Variants in NDUFB6 observed in about 807,000 individuals in gnomAD.
NDUFB6 encodes NADH dehydrogenase [ubiquinone] 1 beta subcomplex subunit 6.
In NDUFB6, 23 loss-of-function variants were observed where a neutral mutation model predicts 17.5. That is an observed-to-expected ratio of 1.31 (90% CI 0.94 to 1.86). The LOEUF is 1.86. Among genes scored for constraint, NDUFB6 ranks in the 40% most tolerant of loss-of-function variants. The pLI, the probability that NDUFB6 is intolerant of heterozygous loss-of-function variation, is 0.00. For missense variants in NDUFB6, 167 were observed against 153.8 expected, an observed-to-expected ratio of 1.09 and a Z score of -0.46; for synonymous variants, 60 against 53.5, an observed-to-expected ratio of 1.12 and a Z score of -0.53.
At chr9:32,555,889 C>T (rs762883413) in intron 3 of NDUFB6, among the ~76,000 whole-genome samples, 3 of 152,216 alleles carry the variant, frequency 2.0e-5, no homozygotes, top group African/African-American at 4.8e-5. Flanking sequence ...TTCTCACACA[C>T]GGGTTAGGAG....
intron 2 of NDUFB6, chr9:32,567,690 G>T: frequency 2.9e-6 from 1 of 340,238 alleles, no homozygotes; most frequent in Non-Finnish European, 6.1e-6. Context: ...GATTTTTGAT[G>T]TTACTACTAC....
intron 1 of NDUFB6, 131 bp from the exon 2 acceptor site, chr9:32,571,183 A>G (rs1821932409): frequency 1.6e-6 from 1 of 637,050 alleles, no homozygotes; most frequent in Non-Finnish European, 2.7e-6. Context: ...ATTTTCTTAT[A>G]GTCTGTAGGT....
At chr9:32,566,257 C>G (rs976992247) in intron 2 of NDUFB6, 12 of 1,077,412 alleles carry the variant, frequency 1.1e-5, no homozygotes, top group Non-Finnish European at 1.7e-5. Flanking sequence ...GCAGACAACA[C>G]TAATTTTAGG....
At position 32,573,107 on chromosome 9, in the gene NDUFB6, A is replaced by C; in HGVS notation, c.-47T>G. On this transcript the variant is annotated 5_prime_UTR_variant, in exon 1 of 4. Transcript: ENST00000379847. ...AAAGGACACGGCGCACCCTCGAACT[A>C]CGGACTAGTTACTTAAGCGCGCTCC... is the stretch of plus-strand genomic sequence containing the variant. 6.8e-7 allele frequency: 1 copy of C among 1,476,472 alleles called. No homozygotes were observed. The highest frequency in any genetic ancestry group is 1.3e-5 in the South Asian group (1 of 74,454). The allele number at this position is 1,476,472 out of a possible 1,614,324, so 91.5% of individuals were successfully genotyped here.
chr9:32,564,452 G>A (rs552886646), intron 2 of NDUFB6, among the ~76,000 whole-genome samples: 1 of 150,814 alleles, frequency 6.6e-6, no homozygotes, highest in South Asian at 2.1e-4. Context: ...TCTTTTTTCT[G>A]AAAAATCTTT....
intron 2 of NDUFB6, among the ~76,000 whole-genome samples, chr9:32,569,801 C>T (rs1465850451): frequency 1.3e-5 from 2 of 152,182 alleles, no homozygotes; most frequent in African/African-American, 2.4e-5. Flanking sequence ...CAGGTGGGAG[C>T]CACCACACAT....
intron 1 of NDUFB6, 82 bp from the exon 2 acceptor site, chr9:32,571,134 C>T (rs897224354): frequency 1.1e-6 from 1 of 904,396 alleles, no homozygotes; most frequent in African/African-American, 1.7e-5. Flanking sequence ...AATGATGTAA[C>T]AATGCCATGA....
chr9:32,572,501 C>T (rs1270365562), intron 1 of NDUFB6, among the ~76,000 whole-genome samples: 2 of 152,168 alleles, frequency 1.3e-5, no homozygotes, highest in Non-Finnish European at 2.9e-5. Flanking sequence ...TCTCTAGAAC[C>T]TCACACTTAA....
intron 2 of NDUFB6, among the ~76,000 whole-genome samples, chr9:32,569,612 C>A (rs1350669137): frequency 2.0e-5 from 3 of 152,198 alleles, no homozygotes; most frequent in Non-Finnish European, 4.4e-5. Context: ...ATCCTGGGCT[C>A]AAGCAATCCT....
intron 2 of NDUFB6, among the ~76,000 whole-genome samples, chr9:32,561,360 A>T (rs540899320): frequency 6.6e-6 from 1 of 151,260 alleles, no homozygotes; most frequent in East Asian, 1.9e-4. Context: ...GAGTCTCGTT[A>T]TATCGCTCAG....
intron 3 of NDUFB6, among the ~76,000 whole-genome samples, chr9:32,556,078 T>C (rs1270603485): frequency 9.9e-6 from 1 of 101,308 alleles, no homozygotes; most frequent in Admixed American, 8.8e-5. Context: ...CTGGAGATCA[T>C]GGATTTGGGG....
chr9:32,566,756 C>T, intron 2 of NDUFB6: 1 of 910,806 alleles, frequency 1.1e-6, no homozygotes, highest in South Asian at 1.3e-5. Context: ...GGTCCTCAGC[C>T]CGGGTGTCGG....
chr9:32,561,361 T>C (rs2119013437), intron 2 of NDUFB6, among the ~76,000 whole-genome samples: 1 of 152,074 alleles, frequency 6.6e-6, no homozygotes, highest in Non-Finnish European at 1.5e-5. Flanking sequence ...AGTCTCGTTA[T>C]ATCGCTCAGG....
rs114079178 is a variant in NDUFB6 at position 32,572,803 on chromosome 9, A to G, written c.180+78T>C. 1,952 of 1,319,694 alleles carry G rather than the reference A, an allele frequency of 1.5e-3. 23 individuals are homozygous for G. In the African/African-American group the frequency reaches 0.026, roughly 17 times the overall value. 81.7% of individuals were successfully genotyped at this position (1,319,694 alleles called of 1,614,324 possible). A position where few individuals can be genotyped will look rare whatever the true frequency, so the allele number is the denominator to read the frequency against. ...CGTTATCAGTCCTTGGTGTGGCTGC[A>G]GGGAGCGGACGTTCAGTGTTCAGGC... is the stretch of plus-strand genomic sequence containing the variant. On this transcript the variant is annotated intron_variant, in intron 1 of 3. Coordinates refer to ENST00000379847, the MANE Select transcript of NDUFB6 (RefSeq NM_002493.5).
intron 2 of NDUFB6, chr9:32,566,327 T>C: frequency 8.5e-7 from 1 of 1,174,242 alleles, no homozygotes; most frequent in Non-Finnish European, 1.3e-6. Context: ...TTCCATCTTG[T>C]TCTTTAACTG....
At chr9:32,571,879 A>G (rs1382986542) in intron 1 of NDUFB6, among the ~76,000 whole-genome samples, 3 of 152,222 alleles carry the variant, frequency 2.0e-5, no homozygotes, top group Non-Finnish European at 2.9e-5. Context: ...ATAAATAAGT[A>G]TCCAATATCA....
chr9:32,554,259 A>G (rs1251925389), intron 3 of NDUFB6, among the ~76,000 whole-genome samples: 1 of 152,356 alleles, frequency 6.6e-6, no homozygotes, highest in East Asian at 1.9e-4. Flanking sequence ...AGGCCCCAGA[A>G]AGAAGTTGCA....
chr9:32,566,802 G>A, intron 2 of NDUFB6: 1 of 892,756 alleles, frequency 1.1e-6, no homozygotes. Context: ...CAGGAGGTCG[G>A]CCAGCAGTCT....
At chr9:32,566,580 C>A in intron 2 of NDUFB6, 2 of 783,154 alleles carry the variant, frequency 2.6e-6, no homozygotes, top group Non-Finnish European at 4.7e-6. Context: ...GAGCTTCTGG[C>A]ACATGGAGCG....
Sources: allele counts gnomAD v4.1 joint callset (sites outside exome capture counted in the v4.1 genomes callset), GRCh38; gene constraint gnomAD v4.1.1; transcripts MANE v1.5; gene names NCBI Gene and HGNC (gene_info 2026-07-23, HGNC 2026-07-21).